The following PKNOX2 variants were observed in gnomAD, a reference collection of about 807,000 sequenced individuals.
PKNOX2 encodes PBX/knotted 1 homeobox 2.
In PKNOX2, 14 loss-of-function variants were observed where a neutral mutation model predicts 53.1. The observed-to-expected ratio is 0.26, with a 90% CI of 0.17 to 0.41. The LOEUF (loss-of-function observed/expected upper bound fraction) is 0.41. PKNOX2 is among the 10% of genes least tolerant of loss of function. The probability of loss-of-function intolerance (pLI) is 1.00; values close to 1 mark genes in which losing one functional copy is unlikely to be tolerated. For missense variants in PKNOX2, 496 were observed against 602.8 expected (o/e 0.82, Z 1.85); for synonymous variants, 257 against 242.8 (o/e 1.06, Z -0.54).
chr11:125,337,552 C>T lies in PKNOX2; in HGVS notation c.-23+5627C>T, dbSNP rs1950492418. Reference sequence around the variant, plus strand: ...ATCTTGCAATGAGGATCCATGGGAACATGTGGTTCTCTCTTCTTTTCCCAT... The same window carrying T: ...ATCTTGCAATGAGGATCCATGGGAATATGTGGTTCTCTCTTCTTTTCCCAT... On this transcript the variant is annotated intron_variant, in intron 3 of 12. Transcript: ENST00000298282. 2.6e-5 allele frequency among the ~76,000 whole-genome samples: 4 copies of T among 152,220 alleles called. No homozygotes were observed. The South Asian group carries it at 8.3e-4, about 32-fold the overall frequency.
At chr11:125,314,814 C>T (rs1325509586) in intron 2 of PKNOX2, among the ~76,000 whole-genome samples, 1 of 152,136 alleles carries the variant, frequency 6.6e-6, no homozygotes, top group Admixed American at 6.5e-5. Flanking sequence ...AGCCCCGGGG[C>T]AGCCCTGGCT....
intron 3 of PKNOX2, among the ~76,000 whole-genome samples, chr11:125,350,715 C>T (rs536148215): frequency 2.6e-5 from 4 of 152,288 alleles, no homozygotes; most frequent in East Asian, 3.9e-4. Context: ...AGTCTGAGGA[C>T]GGGTCCAGGC....
chr11:125,309,182 T>TTCTTCCTTCCTTCCTCTC (rs1370359090), intron 2 of PKNOX2, among the ~76,000 whole-genome samples: 1 of 149,944 alleles, frequency 6.7e-6, no homozygotes, highest in Non-Finnish European at 1.5e-5. Context: ...CTCTCTCTCT[T>TTCTTCCTTCCTTCCTCTC]TCTTCCTTCC....
At chr11:125,415,250 T>C (rs1955810301) in intron 10 of PKNOX2, among the ~76,000 whole-genome samples, 1 of 149,578 alleles carries the variant, frequency 6.7e-6, no homozygotes, top group East Asian at 1.9e-4. Flanking sequence ...TTTTTTTTTT[T>C]TTTTTTGGTG....
chr11:125,228,356 G>A (rs1023392845), intron 1 of PKNOX2, among the ~76,000 whole-genome samples: 1 of 152,216 alleles, frequency 6.6e-6, no homozygotes, highest in South Asian at 2.1e-4. Context: ...TGCAGCTATA[G>A]AGGATGAAAA....
At chr11:125,222,604 T>A (rs1465942749) in intron 1 of PKNOX2, among the ~76,000 whole-genome samples, 1 of 136,166 alleles carries the variant, frequency 7.3e-6, no homozygotes, top group Non-Finnish European at 1.6e-5. Context: ...TGTGTGTGTG[T>A]CTGTGTGTAT....
At chr11:125,313,325 GTGGGT>G in intron 2 of PKNOX2, among the ~76,000 whole-genome samples, 1 of 152,296 alleles carries the variant, frequency 6.6e-6, no homozygotes. Flanking sequence ...GGAGGTTGCT[GTGGGT>G]TATCCAGGTG....
At chr11:125,303,528 T>A (rs1287971406) in intron 2 of PKNOX2, among the ~76,000 whole-genome samples, 6 of 152,138 alleles carry the variant, frequency 3.9e-5, no homozygotes, top group Non-Finnish European at 8.8e-5. Flanking sequence ...CTGGGCCTCT[T>A]TCCCTGTGGA....
intron 11 of PKNOX2, 100 bp from the exon 12 acceptor site, chr11:125,429,863 C>A: frequency 7.4e-7 from 1 of 1,353,210 alleles, no homozygotes; most frequent in Non-Finnish European, 1.0e-6. Flanking sequence ...CCCCGGTCTG[C>A]TCTGTGAAAT....
chr11:125,407,440 CT>C (rs1434911098), intron 7 of PKNOX2, among the ~76,000 whole-genome samples: 1 of 152,118 alleles, frequency 6.6e-6, no homozygotes, highest in East Asian at 1.9e-4. Context: ...TTGTTGGGTA[CT>C]TTTTTGGGGG....
intron 2 of PKNOX2, among the ~76,000 whole-genome samples, chr11:125,290,136 G>A (rs2135903501): frequency 6.6e-6 from 1 of 152,218 alleles, no homozygotes; most frequent in East Asian, 1.9e-4. Context: ...GGTCTCTGAT[G>A]TGAGCTGGAC....
intron 7 of PKNOX2, among the ~76,000 whole-genome samples, chr11:125,401,727 A>G (rs1238867927): frequency 6.6e-6 from 1 of 152,052 alleles, no homozygotes; most frequent in Admixed American, 6.5e-5. Flanking sequence ...TGGGTTCAAG[A>G]CACAGGAGCC....
intron 2 of PKNOX2, among the ~76,000 whole-genome samples, chr11:125,287,291 A>C (rs2135885834): frequency 6.6e-6 from 1 of 152,326 alleles, no homozygotes; most frequent in South Asian, 2.1e-4. Flanking sequence ...GCTGTTTAGA[A>C]GGTAGCCATT....
At chr11:125,381,727 C>T (rs1953241447) in intron 5 of PKNOX2, among the ~76,000 whole-genome samples, 1 of 152,198 alleles carries the variant, frequency 6.6e-6, no homozygotes, top group South Asian at 2.1e-4. Flanking sequence ...AACTTCCTCT[C>T]CCTCCACTCC....
In PKNOX2 at chr11:125,323,685, G is replaced by T. The variant is rs182765574; in HGVS notation, c.-129-8134G>T. ...TGTGGGGAAAATCGCAATTTCTCCT[G>T]GAAGGCATGGAAGGAAAAGTCAGAG... On this transcript the variant is annotated intron_variant, in intron 2 of 12. Transcript: ENST00000298282. 2.4e-3 allele frequency among the ~76,000 whole-genome samples: 367 copies of T among 152,306 alleles called. 2 individuals are homozygous for T. Among genetic ancestry groups the T allele is most frequent in the Non-Finnish European group, 1.8e-3 (125 of 68,024 alleles).
intron 6 of PKNOX2, among the ~76,000 whole-genome samples, chr11:125,387,271 G>T (rs1425933594): frequency 6.6e-6 from 1 of 152,208 alleles, no homozygotes; most frequent in South Asian, 2.1e-4. Context: ...GATGGACCTG[G>T]GGGGTGGGGC....
At chr11:125,323,309 A>G (rs1300126623) in intron 2 of PKNOX2, among the ~76,000 whole-genome samples, 1 of 152,204 alleles carries the variant, frequency 6.6e-6, no homozygotes, top group African/African-American at 2.4e-5. Flanking sequence ...CCTAGGGAGA[A>G]AGGCATTTTA....
chr11:125,288,440 T>A (rs544175827), intron 2 of PKNOX2, among the ~76,000 whole-genome samples: 3 of 152,332 alleles, frequency 2.0e-5, no homozygotes, highest in Admixed American at 1.3e-4. Flanking sequence ...CACTTCCTGA[T>A]TGAGGCCGTG....
chr11:125,206,928 A>G (rs1939188904), intron 1 of PKNOX2, among the ~76,000 whole-genome samples: 1 of 150,622 alleles, frequency 6.6e-6, no homozygotes, highest in Admixed American at 6.6e-5. Context: ...GTAGTACAGC[A>G]GGCAAGTGAG....
Sources: allele counts gnomAD v4.1 joint callset (sites outside exome capture counted in the v4.1 genomes callset), GRCh38; gene constraint gnomAD v4.1.1; transcripts MANE v1.5; gene names NCBI Gene and HGNC (gene_info 2026-07-23, HGNC 2026-07-21).